Variants in GPR137B observed in about 807,000 individuals in gnomAD.
The protein encoded by GPR137B is G protein-coupled receptor 137B.
Under a neutral mutation model 42.5 loss-of-function variants are expected in GPR137B, and 42 were observed. That is an observed-to-expected ratio of 0.99 (90% confidence interval 0.77 to 1.28). GPR137B has a LOEUF of 1.28. Ranked by LOEUF, GPR137B falls within the 50% of genes most tolerant of loss-of-function variation. GPR137B has a pLI of 0.00. For synonymous variants in GPR137B, 218 were observed against 209.7 expected, an observed-to-expected ratio of 1.04 and a Z score of -0.34; for missense variants, 487 against 493.9, an observed-to-expected ratio of 0.99 and a Z score of 0.13.
At position 236,187,078 on chromosome 1, in the gene GPR137B, A is replaced by G. The variant is rs976595436; in HGVS notation, c.966+3172A>G. 3.3e-5 allele frequency among the ~76,000 whole-genome samples: 5 copies of G among 152,236 alleles called. No homozygotes were observed. In the East Asian group the frequency reaches 7.7e-4, roughly 23 times the overall value. ...GAGATGGTATCTCATTGTAGTTTTGATTTGCATTTCTCTGATGACCAGTGA... is the reference window on the plus strand; with the variant it reads ...GAGATGGTATCTCATTGTAGTTTTGGTTTGCATTTCTCTGATGACCAGTGA... On this transcript the variant is annotated intron_variant, in intron 5 of 6. Transcript: ENST00000366592.
At chr1:236,202,046 C>T (rs370428470) in intron 5 of GPR137B, among the ~76,000 whole-genome samples, 5 of 151,922 alleles carry the variant, frequency 3.3e-5, no homozygotes, top group African/African-American at 1.2e-4. Flanking sequence ...GCAGGGCTAC[C>T]GGGCTTTGGA....
chr1:236,142,927 AC>A lies in GPR137B; in HGVS notation c.306del (p.Phe103SerfsTer29). 1 of 1,614,084 alleles carries A rather than the reference AC, an allele frequency of 6.2e-7. No homozygotes were observed. The highest frequency in any genetic ancestry group is 8.5e-7 in the Non-Finnish European group (1 of 1,179,986). On this transcript the variant is annotated frameshift_variant, in exon 1 of 7. Coordinates refer to ENST00000366592, the MANE Select transcript of GPR137B (RefSeq NM_003272.4). LOFTEE classifies it high-confidence loss of function. ...GTCCTCTTCTCCTTCTACTTCAAAGACTTCGTGGCGGCCAATTCGCTCAGCC... is the reference window on the plus strand; with the variant it reads ...GTCCTCTTCTCCTTCTACTTCAAAGATTCGTGGCGGCCAATTCGCTCAGCC... Reference protein sequence around the residue: ...RTVLFSFYFKDFVAANSLSPF... With the variant: ...RTVLFSFYFKXFVAANSLSPF...
chr1:236,153,551 A>G (rs1335074696), intron 1 of GPR137B, among the ~76,000 whole-genome samples: 1 of 152,216 alleles, frequency 6.6e-6, no homozygotes, highest in Non-Finnish European at 1.5e-5. Flanking sequence ...TTGTTTCATC[A>G]TGCGCGTTTG....
At chr1:236,159,567 G>A (rs945539336) in intron 1 of GPR137B, among the ~76,000 whole-genome samples, 1 of 151,932 alleles carries the variant, frequency 6.6e-6, no homozygotes, top group African/African-American at 2.4e-5. Flanking sequence ...CAGCTACTCG[G>A]GAGGCTGAGG....
chr1:236,162,505 C>CA (rs989378347), intron 1 of GPR137B, among the ~76,000 whole-genome samples: 10 of 152,340 alleles, frequency 6.6e-5, no homozygotes, highest in Admixed American at 1.3e-4. Context: ...GTCCCCAGGC[C>CA]ATGTCAGAGA....
intron 2 of GPR137B, among the ~76,000 whole-genome samples, chr1:236,177,433 T>C (rs1400500793): frequency 6.6e-6 from 1 of 152,318 alleles, no homozygotes; most frequent in East Asian, 1.9e-4. Context: ...AGTCTTTCCA[T>C]AGATTTTACA....
chr1:236,184,660 C>A (rs1305310676), intron 5 of GPR137B, among the ~76,000 whole-genome samples: 1 of 152,162 alleles, frequency 6.6e-6, no homozygotes, highest in Non-Finnish European at 1.5e-5. Context: ...TTATTTCATA[C>A]CCAGATGACT....
At chr1:236,170,333 T>C (rs932532192) in intron 2 of GPR137B, among the ~76,000 whole-genome samples, 4 of 152,230 alleles carry the variant, frequency 2.6e-5, no homozygotes, top group African/African-American at 9.6e-5. Flanking sequence ...TTACTTAAAA[T>C]TCTGAAGGTG....
rs747500738 is a variant in GPR137B, at chr1:236,179,805, G to A, written c.688-74G>A. On this transcript the variant is annotated intron_variant, in intron 3 of 6. Transcript: ENST00000366592. ...CCCAAAGGGCTTTACCAGACTGATA[G>A]CAGGTGGGGGCTGGGGAAGGGGCTG... 93 of 1,099,392 alleles carry A rather than the reference G, an allele frequency of 8.5e-5. 1 individual carries two copies. Among genetic ancestry groups the A allele is most frequent in the Non-Finnish European group, 1.1e-4 (88 of 769,230 alleles). The allele number at this position is 1,099,392 out of a possible 1,614,324, so 68.1% of individuals were successfully genotyped here. A position where few individuals can be genotyped will look rare whatever the true frequency, so the allele number is the denominator to read the frequency against.
At position 236,150,193 on chromosome 1, in the gene GPR137B, G is replaced by A. The variant is rs7528497; in HGVS notation, c.414+7157G>A. Among the ~76,000 whole-genome samples the A allele has an allele frequency of 0.72, 104,234 of 144,002 alleles. 38,671 individuals are homozygous for A. The highest frequency in any genetic ancestry group is 0.96 in the East Asian group (4,493 of 4,694). 94.5% of individuals were successfully genotyped at this position (144,002 alleles called of 152,430 possible). A position where few individuals can be genotyped will look rare whatever the true frequency, so the allele number is the denominator to read the frequency against. On this transcript the variant is annotated intron_variant, in intron 1 of 6. Transcript: ENST00000366592. This position sits in a 1 kb window ranked among gnomAD's most constrained non-coding sequence, Gnocchi z 6.2. The stretch of plus-strand genomic sequence containing the variant: ...TGCCCGTTTGTGTTTGTGTGTGTCT[G>A]TGTGCCTGTGTGTGTGTCTGTGCCT...
chr1:236,151,962 T>C (rs1437311895), intron 1 of GPR137B, among the ~76,000 whole-genome samples: 3 of 151,992 alleles, frequency 2.0e-5, no homozygotes, highest in Non-Finnish European at 4.4e-5. Context: ...TGGTGGCAGA[T>C]AAGGAGGGAA....
rs1297177351 is a variant in GPR137B, at chr1:236,155,158, C to CGGGCAGGT, written c.414+12123_414+12130dup. On this transcript the variant is annotated intron_variant, in intron 1 of 6. Transcript: ENST00000366592. The surrounding 1 kb of genome is among the most constrained non-coding windows in gnomAD (Gnocchi z 4.6). ...GGACTCCACCCAGGCAGTGGGCAGGCGGGCAGGTCCGTGCGCTTCTGTGGC... is the reference window on the plus strand; with the variant it reads ...GGACTCCACCCAGGCAGTGGGCAGGCGGGCAGGTGGGCAGGTCCGTGCGCTTCTGTGGC... 3.3e-5 allele frequency among the ~76,000 whole-genome samples: 5 copies of CGGGCAGGT among 152,228 alleles called. No individual in the cohort carries two copies. The highest frequency in any genetic ancestry group is 1.2e-4 in the African/African-American group (5 of 41,452).
intron 3 of GPR137B, among the ~76,000 whole-genome samples, 155 bp from the exon 4 acceptor site, chr1:236,179,724 A>G (rs529032168): frequency 1.6e-4 from 24 of 152,340 alleles, no homozygotes; most frequent in African/African-American, 5.5e-4. Flanking sequence ...TGTAGGAAGA[A>G]GGAGTGTGAA....
chr1:236,151,017 G>T (rs866998984), intron 1 of GPR137B, among the ~76,000 whole-genome samples: 1 of 152,220 alleles, frequency 6.6e-6, no homozygotes, highest in Non-Finnish European at 1.5e-5. Flanking sequence ...CACTGCAAGC[G>T]TCTTAGGGTT....
chr1:236,191,575 C>T (rs1663193949), intron 5 of GPR137B, among the ~76,000 whole-genome samples: 1 of 152,198 alleles, frequency 6.6e-6, no homozygotes, highest in Admixed American at 6.5e-5. Flanking sequence ...TTCTAACAGT[C>T]GGACCCCTCT....
At chr1:236,190,818 A>G (rs1006807824) in intron 5 of GPR137B, among the ~76,000 whole-genome samples, 8 of 151,424 alleles carry the variant, frequency 5.3e-5, no homozygotes, top group Admixed American at 5.3e-4. Context: ...TCTGACGATT[A>G]TGTGTCTTGC....
intron 5 of GPR137B, among the ~76,000 whole-genome samples, chr1:236,204,623 G>A (rs1418509963): frequency 6.6e-6 from 1 of 151,968 alleles, no homozygotes; most frequent in Admixed American, 6.6e-5. Context: ...AACCTTAAGA[G>A]AGCTCTGAAA....
chr1:236,192,732 C>G (rs1458877810), intron 5 of GPR137B, among the ~76,000 whole-genome samples: 1 of 152,120 alleles, frequency 6.6e-6, no homozygotes, highest in Non-Finnish European at 1.5e-5. Flanking sequence ...CAGAAATCAC[C>G]CACCTTCTGT....
At chr1:236,162,030 G>A (rs1662218354) in intron 1 of GPR137B, among the ~76,000 whole-genome samples, 1 of 152,172 alleles carries the variant, frequency 6.6e-6, no homozygotes, top group South Asian at 2.1e-4. Flanking sequence ...AAGAAGACAG[G>A]AAAATGTGGG....
Sources: gnomAD v4.1 joint callset for allele counts (sites outside exome capture counted in the v4.1 genomes callset) on GRCh38, gnomAD v4.1.1 for gene constraint, Gnocchi (gnomAD v3.1) non-coding constraint, MANE v1.5 for transcripts, NCBI Gene and HGNC (gene_info 2026-07-23, HGNC 2026-07-21) for gene names.